Variants in MAD2L1 observed in about 807,000 individuals in gnomAD.
MAD2L1 encodes mitotic arrest deficient 2 like 1.
In MAD2L1, 10 loss-of-function variants were observed where a neutral mutation model predicts 25.9. That is an observed-to-expected ratio of 0.39 (90% CI 0.24 to 0.66). MAD2L1 has a LOEUF of 0.66. Among genes scored for constraint, MAD2L1 ranks in the 30% least tolerant of loss-of-function variants. The pLI, the probability that MAD2L1 is intolerant of heterozygous loss-of-function variation, is 0.49. For synonymous variants in MAD2L1, 81 were observed against 91.8 expected, an observed-to-expected ratio of 0.88 and a Z score of 0.67; for missense variants, 180 against 246.4, an observed-to-expected ratio of 0.73 and a Z score of 1.80.
chr4:120,060,360 C>G (rs1726192566), intron 4 of MAD2L1, 70 bp from the exon 5 acceptor site: 1 of 1,263,690 alleles, frequency 7.9e-7, no homozygotes, highest in Non-Finnish European at 1.1e-6. Context: ...TGCCTCTCTT[C>G]TATTTTGAAC....
At position 120,059,252 on chromosome 4, in the gene MAD2L1, G is replaced by T. The variant is rs897400526; in HGVS notation, c.*866C>A. On this transcript the variant is annotated 3_prime_UTR_variant, in exon 5 of 5. Transcript: ENST00000296509. ...AATAGCCTTAAGTCTATTGCTATGA[G>T]ATGAACAGGATGTGATCAAAGTTTA... 6.6e-6 allele frequency: 1 copy of T among 152,150 alleles called. No homozygotes were observed. The highest frequency in any genetic ancestry group is 1.5e-5 in the Non-Finnish European group (1 of 68,016). 9.4% of individuals were successfully genotyped at this position (152,150 alleles called of 1,614,324 possible).
chr4:120,065,297 ATTAG>A (rs1414324555), intron 2 of MAD2L1, among the ~76,000 whole-genome samples: 3 of 152,208 alleles, frequency 2.0e-5, no homozygotes, highest in African/African-American at 4.8e-5. Context: ...CAGAAAATTA[ATTAG>A]TTACAGAAAA....
In MAD2L1 at chr4:120,066,802, A is replaced by C. The variant is rs1427527753; in HGVS notation, c.-68T>G. The C allele has an allele frequency of 8.6e-7, 1 of 1,165,598 alleles. No homozygotes were observed. 72.2% of individuals were successfully genotyped at this position (1,165,598 alleles called of 1,614,324 possible). ...CAGCAACCACAGCGGCTCCAACAGCACTTCCCCGCCAAGCGTTTCAAAAGT... is the reference window on the plus strand; with the variant it reads ...CAGCAACCACAGCGGCTCCAACAGCCCTTCCCCGCCAAGCGTTTCAAAAGT... On this transcript the variant is annotated 5_prime_UTR_variant, in exon 1 of 5. Coordinates refer to ENST00000296509, the MANE Select transcript of MAD2L1 (RefSeq NM_002358.4).
chr4:120,065,299 T>C lies in MAD2L1; in HGVS notation c.220+373A>G, dbSNP rs564914044. On this transcript the variant is annotated intron_variant, in intron 2 of 4. Transcript: ENST00000296509. ...TAACATTAGACTACAGAAAATTAAT[T>C]AGTTACAGAAAATTAATACATTATA... 2.0e-5 allele frequency among the ~76,000 whole-genome samples: 3 copies of C among 152,310 alleles called. No individual in the cohort carries two copies. The East Asian group carries it at 5.8e-4, about 29-fold the overall frequency.
At chr4:120,061,008 A>G in intron 3 of MAD2L1, 31 bp from the exon 4 acceptor site, 1 of 1,294,636 alleles carries the variant, frequency 7.7e-7, no homozygotes, top group Non-Finnish European at 1.1e-6. Context: ...CAATTAATTC[A>G]TTTCAGGTCT....
chr4:120,061,985 T>C lies in MAD2L1; in HGVS notation c.331A>G (p.Lys111Glu). 2 of 1,604,946 alleles carry C rather than the reference T, an allele frequency of 1.2e-6. No individual in the cohort carries two copies. Among genetic ancestry groups the C allele is most frequent in the East Asian group, 4.5e-5 (2 of 44,696 alleles). ...GTAATTCCTATTTACCTGTCATCTT[T>C]TGCAGTCTTGTCACACTCAATATCA... ...QFDIECDKTAKDDSAPREKSQ... is the reference protein window; with the variant it reads ...QFDIECDKTAEDDSAPREKSQ... Residue 111 changes from lysine (K) to glutamate (E), a missense_variant, in exon 3 of 5, where the codon AAA becomes GAA. Physicochemically the swap from Lys to Glu is moderately conservative, Grantham distance 56. Transcript: ENST00000296509.
Position 120,061,052 on chromosome 4 carries a change from T to C in MAD2L1, c.342-75A>G, listed in dbSNP as rs774203629. On this transcript the variant is annotated intron_variant, in intron 3 of 4. Coordinates refer to ENST00000296509, the MANE Select transcript of MAD2L1 (RefSeq NM_002358.4). ...TATTTCAAACATAGTGGTTAGATTA[T>C]TTATCTGATTAAATGCTCTCAACAT... The C allele has an allele frequency of 3.6e-6, 3 of 833,916 alleles. No individual in the cohort carries two copies. The African/African-American group carries it at 5.1e-5, about 14-fold the overall frequency. 51.7% of individuals were successfully genotyped at this position (833,916 alleles called of 1,614,324 possible). A position where few individuals can be genotyped will look rare whatever the true frequency, so the allele number is the denominator to read the frequency against.
Position 120,058,321 on chromosome 4 carries a change from A to G in MAD2L1, c.*1797T>C, listed in dbSNP as rs1726144565. ...GTAGCTGAGTTGAAATGACCAGAGT[A>G]TACACACAACCTTTAAAAATGTGAT... On this transcript the variant is annotated 3_prime_UTR_variant, in exon 5 of 5. Transcript: ENST00000296509. The G allele has an allele frequency of 6.6e-6, 1 of 152,238 alleles. No individual in the cohort carries two copies. The allele number at this position is 152,238 out of a possible 1,614,324, so 9.4% of individuals were successfully genotyped here.
chr4:120,060,311 T>C lies in MAD2L1; in HGVS notation c.446-21A>G, dbSNP rs574832089. 5.7e-6 allele frequency: 9 copies of C among 1,565,774 alleles called. No individual in the cohort carries two copies. The African/African-American group carries it at 9.5e-5, about 16-fold the overall frequency. On this transcript the variant is annotated intron_variant, in intron 4 of 4. Coordinates refer to ENST00000296509, the MANE Select transcript of MAD2L1 (RefSeq NM_002358.4). ...TGAACCTAAATTGGGGATAAGATCATTGAAGTATATTATTTTCTAAAAGTA... is the reference window on the plus strand; with the variant it reads ...TGAACCTAAATTGGGGATAAGATCACTGAAGTATATTATTTTCTAAAAGTA...
At chr4:120,063,230 T>A (rs533537232) in intron 2 of MAD2L1, among the ~76,000 whole-genome samples, 5 of 152,316 alleles carry the variant, frequency 3.3e-5, no homozygotes, top group African/African-American at 1.2e-4. Context: ...ACACAGAGGT[T>A]GTTAGTGAAG....
At chr4:120,065,572 T>A in intron 2 of MAD2L1, 100 bp downstream of exon 2, 1 of 961,692 alleles carries the variant, frequency 1.0e-6, no homozygotes, top group Non-Finnish European at 1.5e-6. Context: ...TGAAAATATA[T>A]TTGAGATGTC....
At chr4:120,066,524 G>T in intron 1 of MAD2L1, 138 bp downstream of exon 1, 2 of 693,030 alleles carry the variant, frequency 2.9e-6, no homozygotes, top group Non-Finnish European at 4.8e-6. Flanking sequence ...GCAGCTCCAC[G>T]TTAGCAACGC....
At position 120,066,821 on chromosome 4, in the gene MAD2L1, C is replaced by A. The variant is rs1358696569; in HGVS notation, c.-87G>T. On this transcript the variant is annotated 5_prime_UTR_variant, in exon 1 of 5. Coordinates refer to ENST00000296509, the MANE Select transcript of MAD2L1 (RefSeq NM_002358.4). ...AACAGCACTTCCCCGCCAAGCGTTT[C>A]AAAAGTAACGACGCAGCACGTCGTC... 11 of 998,202 alleles carry A rather than the reference C, an allele frequency of 1.1e-5. No individual in the cohort carries two copies. The highest frequency in any genetic ancestry group is 1.7e-5 in the Non-Finnish European group (11 of 648,416). 61.8% of individuals were successfully genotyped at this position (998,202 alleles called of 1,614,324 possible).
chr4:120,066,547 C>G lies in MAD2L1; in HGVS notation c.73+115G>C, dbSNP rs1726324259. 1.2e-5 allele frequency: 11 copies of G among 888,070 alleles called. No homozygotes were observed. In the South Asian group the frequency reaches 2.1e-4, roughly 17 times the overall value. The allele number at this position is 888,070 out of a possible 1,614,324, so 55.0% of individuals were successfully genotyped here. On this transcript the variant is annotated intron_variant, in intron 1 of 4. Transcript: ENST00000296509. ...ACGTTAGCAACGCGTCTGGAGGAAG[C>G]GCCTGCAGCCGCCTCTCCCCAGATT...
chr4:120,065,939 G>A lies in MAD2L1; in HGVS notation c.74-121C>T, dbSNP rs1348695819. On this transcript the variant is annotated intron_variant, in intron 1 of 4. Coordinates refer to ENST00000296509, the MANE Select transcript of MAD2L1 (RefSeq NM_002358.4). ...TACAGCTATAAATGACTGAACACAC[G>A]TGTATCTTGCTGAAAGCAGAGTAGG... 1.3e-5 allele frequency: 12 copies of A among 933,130 alleles called. No individual in the cohort carries two copies. The East Asian group carries it at 1.3e-4, about 10-fold the overall frequency. 57.8% of individuals were successfully genotyped at this position (933,130 alleles called of 1,614,324 possible). A position where few individuals can be genotyped will look rare whatever the true frequency, so the allele number is the denominator to read the frequency against.
In MAD2L1 at chr4:120,066,726, C is replaced by T. The variant is rs1255753103; in HGVS notation, c.9G>A (p.Leu3=). Residue 3 remains leucine, a synonymous_variant, in exon 1 of 5, where the codon CTG becomes CTA. Coordinates refer to ENST00000296509, the MANE Select transcript of MAD2L1 (RefSeq NM_002358.4). MA[L]QLSREQGITL... ...TGATTCCCTGCTCCCGGGAGAGCTG[C>T]AGCGCCATGGCCAGGGACACAAACA... 1 of 1,600,670 alleles carries T rather than the reference C, an allele frequency of 6.2e-7. No homozygotes were observed.
chr4:120,056,437 A>G lies in MAD2L1; in HGVS notation c.*3681T>C, dbSNP rs1726111401. 1 of 152,216 alleles carries G rather than the reference A, an allele frequency of 6.6e-6. No individual in the cohort carries two copies. The highest frequency in any genetic ancestry group is 1.5e-5 in the Non-Finnish European group (1 of 68,038). The allele number at this position is 152,216 out of a possible 1,614,324, so 9.4% of individuals were successfully genotyped here. ...ATCTTAATTTGAATATTACAGCATT[A>G]GTGACATCTGGTGGAAAATATAAGA... On this transcript the variant is annotated 3_prime_UTR_variant, in exon 5 of 5. Coordinates refer to ENST00000296509, the MANE Select transcript of MAD2L1 (RefSeq NM_002358.4).
chr4:120,061,969 A>G lies in MAD2L1; in HGVS notation c.341+6T>C. 1 of 1,598,388 alleles carries G rather than the reference A, an allele frequency of 6.3e-7. No individual in the cohort carries two copies. The highest frequency in any genetic ancestry group is 1.1e-5 in the South Asian group (1 of 87,250). On this transcript the variant is annotated splice_donor_region_variant and intron_variant, in intron 3 of 4. Transcript: ENST00000296509. ...TCAAAGTAGAAATAATGTAATTCCT[A>G]TTTACCTGTCATCTTTTGCAGTCTT...
At chr4:120,060,777 GATAA>G (rs1356887795) in intron 4 of MAD2L1, 93 bp downstream of exon 4, 7 of 720,580 alleles carry the variant, frequency 9.7e-6, no homozygotes, top group Middle Eastern at 4.0e-4. Context: ...ACATAAATCT[GATAA>G]ATAAGACAAA....
Sources: gnomAD v4.1 joint callset for allele counts (sites outside exome capture counted in the v4.1 genomes callset) on GRCh38, gnomAD v4.1.1 for gene constraint, MANE v1.5 for transcripts, NCBI Gene and HGNC (gene_info 2026-07-23, HGNC 2026-07-21) for gene names.